Variants in NRP2 observed in about 807,000 individuals in gnomAD.
NRP2 encodes neuropilin 2, also known as neuropilin-2.
Under a neutral mutation model 110.4 loss-of-function variants are expected in NRP2, and 52 were observed. The observed-to-expected ratio is 0.47, with a 90% CI of 0.38 to 0.59. The LOEUF is 0.59. Among genes scored for constraint, NRP2 ranks in the 20% least tolerant of loss-of-function variants. The probability of loss-of-function intolerance (pLI) is 0.00; values close to 1 mark genes in which losing one functional copy is unlikely to be tolerated. For synonymous variants in NRP2, 508 were observed against 468.9 expected (o/e 1.08, Z -1.08); for missense variants, 1,049 against 1,203.0 (o/e 0.87, Z 1.89).
intron 8 of NRP2, among the ~76,000 whole-genome samples, chr2:205,740,993 T>C (rs2057429808): frequency 6.7e-6 from 1 of 148,264 alleles, no homozygotes; most frequent in African/African-American, 2.5e-5. Context: ...AAACCAAGAC[T>C]TAAAGAGCTA....
At chr2:205,685,699 GC>G in intron 1 of NRP2, 1 of 152,030 alleles carries the variant, frequency 6.6e-6, no homozygotes, top group East Asian at 2.0e-4. Flanking sequence ...TGCCCCGGGC[GC>G]CCCCGCCAGT....
Position 205,794,743 on chromosome 2 carries a change from A to G in NRP2, c.2477-11A>G. On this transcript the variant is annotated splice_polypyrimidine_tract_variant and intron_variant, in intron 16 of 16. Transcript: ENST00000357785. ...GTGCCTGCAATCTCTCATGAATTTTATGTATCGCAGATGAATACGAGGTGG... is the reference window on the plus strand; with the variant it reads ...GTGCCTGCAATCTCTCATGAATTTTGTGTATCGCAGATGAATACGAGGTGG... 1.9e-6 allele frequency: 3 copies of G among 1,614,028 alleles called. No homozygotes were observed. Among genetic ancestry groups the G allele is most frequent in the Non-Finnish European group, 2.5e-6 (3 of 1,179,938 alleles).
At chr2:205,789,989 A>T (rs887431788) in intron 15 of NRP2, among the ~76,000 whole-genome samples, 1 of 152,164 alleles carries the variant, frequency 6.6e-6, no homozygotes, top group Non-Finnish European at 1.5e-5. Context: ...CCAGTGTGCC[A>T]TTCTTTCTTT....
At chr2:205,776,484 C>G (rs1461552608) in intron 15 of NRP2, 1 of 1,610,672 alleles carries the variant, frequency 6.2e-7, no homozygotes, top group East Asian at 2.2e-5. Flanking sequence ...TGGAGCCCAC[C>G]CTAACCATTA....
intron 7 of NRP2, among the ~76,000 whole-genome samples, chr2:205,738,104 A>C (rs769816713): frequency 2.0e-5 from 3 of 152,380 alleles, no homozygotes; most frequent in Non-Finnish European, 4.4e-5. Flanking sequence ...TTAACAACAC[A>C]TAAGACATGC....
chr2:205,705,709 T>G (rs849551), intron 2 of NRP2, among the ~76,000 whole-genome samples: 146,882 of 152,030 alleles, frequency 0.97, 71,136 homozygotes, highest in East Asian at 1. Context: ...TTAACAGATG[T>G]AGATACTGAG....
chr2:205,743,813 G>A (rs975374920), intron 9 of NRP2: 40 of 573,402 alleles, frequency 7.0e-5, no homozygotes, highest in East Asian at 4.4e-4. Context: ...GCCTGTTCTC[G>A]GCTCACTGCA....
rs530183031 is a variant in NRP2, at chr2:205,755,169, T to C, written c.2044+2194T>C. 5.3e-5 allele frequency among the ~76,000 whole-genome samples: 8 copies of C among 152,324 alleles called. No homozygotes were observed. The East Asian group carries it at 1.4e-3, about 26-fold the overall frequency. On this transcript the variant is annotated intron_variant, in intron 12 of 16. Coordinates refer to ENST00000357785, the MANE Select transcript of NRP2 (RefSeq NM_003872.3). ...AGCCCCTATGGTTGACCTTTGCTAC[T>C]GGTTGGGAATTCTAGTCTTTGTCCT... is the stretch of plus-strand genomic sequence containing the variant.
intron 2 of NRP2, among the ~76,000 whole-genome samples, chr2:205,708,608 G>T (rs970263615): frequency 6.6e-6 from 1 of 152,170 alleles, no homozygotes; most frequent in Non-Finnish European, 1.5e-5. Flanking sequence ...CACCATCATC[G>T]CAGGGCCTTT....
intron 16 of NRP2, among the ~76,000 whole-genome samples, chr2:205,794,401 C>T (rs141292055): frequency 0.06 from 9,182 of 152,266 alleles, 360 homozygotes; most frequent in Admixed American, 0.092. Flanking sequence ...TGAGCCACCG[C>T]GCCCGGCCTC....
intron 2 of NRP2, among the ~76,000 whole-genome samples, chr2:205,711,974 GA>G (rs2056807509): frequency 6.6e-6 from 1 of 152,214 alleles, no homozygotes; most frequent in Non-Finnish European, 1.5e-5. Flanking sequence ...GTGATGAGAG[GA>G]AGAGATGAGA....
chr2:205,715,345 G>T (rs1024169968), intron 2 of NRP2, among the ~76,000 whole-genome samples: 1 of 152,208 alleles, frequency 6.6e-6, no homozygotes, highest in African/African-American at 2.4e-5. Context: ...GTTTGACTCT[G>T]CTTCAAATGA....
intron 3 of NRP2, among the ~76,000 whole-genome samples, chr2:205,716,649 G>T (rs1157141435): frequency 6.6e-6 from 1 of 152,178 alleles, no homozygotes; most frequent in African/African-American, 2.4e-5. Context: ...CTTCTTGAAA[G>T]AATTGGATTT....
At chr2:205,718,682 C>T (rs2056950901) in intron 3 of NRP2, among the ~76,000 whole-genome samples, 1 of 152,208 alleles carries the variant, frequency 6.6e-6, no homozygotes, top group Non-Finnish European at 1.5e-5. Flanking sequence ...TGGCTCACAC[C>T]TGTAATCCCA....
chr2:205,755,690 G>C (rs1424523925), intron 12 of NRP2, among the ~76,000 whole-genome samples: 1 of 152,074 alleles, frequency 6.6e-6, no homozygotes, highest in Admixed American at 6.5e-5. Context: ...CAGAGCAACT[G>C]CTAATGGGTT....
chr2:205,685,499 G>T (rs1043301050), intron 1 of NRP2, among the ~76,000 whole-genome samples: 2 of 152,226 alleles, frequency 1.3e-5, no homozygotes, highest in Non-Finnish European at 2.9e-5. Context: ...CCAATTCTGG[G>T]AAGGAGCAAG....
chr2:205,753,683 G>A (rs1321841875), intron 12 of NRP2, among the ~76,000 whole-genome samples: 4 of 152,206 alleles, frequency 2.6e-5, no homozygotes, highest in Admixed American at 2.6e-4. Context: ...TTTCACAGCA[G>A]TATGATGGTA....
At chr2:205,782,560 A>G (rs969946777) in intron 15 of NRP2, among the ~76,000 whole-genome samples, 4 of 152,170 alleles carry the variant, frequency 2.6e-5, no homozygotes, top group Non-Finnish European at 5.9e-5. Context: ...TTTGAGGAGT[A>G]TGTTTCCAGG....
At chr2:205,736,821 G>A (rs1051878023) in intron 7 of NRP2, among the ~76,000 whole-genome samples, 1 of 152,174 alleles carries the variant, frequency 6.6e-6, no homozygotes, top group Non-Finnish European at 1.5e-5. Flanking sequence ...ACCTTGCAAT[G>A]CCTAGACTGG....
Sources: allele counts gnomAD v4.1 joint callset (sites outside exome capture counted in the v4.1 genomes callset), GRCh38; gene constraint gnomAD v4.1.1; transcripts MANE v1.5; gene names NCBI Gene and HGNC (gene_info 2026-07-23, HGNC 2026-07-21).